Variants in CDH18 observed in about 807,000 individuals in gnomAD.
CDH18 encodes cadherin-18.
Under a neutral mutation model 67.9 loss-of-function variants are expected in CDH18, and 31 were observed. The observed-to-expected ratio is 0.46, with a 90% CI of 0.34 to 0.62. The LOEUF (loss-of-function observed/expected upper bound fraction) is 0.62, where lower values mean the gene tolerates loss of function less well. Ranked by LOEUF, CDH18 falls within the 20% of genes least tolerant of loss-of-function variation. The pLI, the probability that CDH18 is intolerant of heterozygous loss-of-function variation, is 0.01. For missense variants in CDH18, 890 were observed against 975.5 expected, an observed-to-expected ratio of 0.91 and a Z score of 1.17; for synonymous variants, 362 against 347.2, an observed-to-expected ratio of 1.04 and a Z score of -0.48.
chr5:19,580,963 A>G (rs1480587841), intron 7 of CDH18, among the ~76,000 whole-genome samples: 1 of 151,994 alleles, frequency 6.6e-6, no homozygotes, highest in African/African-American at 2.4e-5. Context: ...ATTTATTATT[A>G]AGTTAAAAAT....
chr5:20,550,694 G>A (rs1757583692), intron 1 of CDH18, among the ~76,000 whole-genome samples: 2 of 152,172 alleles, frequency 1.3e-5, no homozygotes, highest in African/African-American at 2.4e-5. Context: ...GAGCTCTTTA[G>A]CCACTTAGAG....
In CDH18 at chr5:19,473,003, G is replaced by C. The variant is rs951278051; in HGVS notation, c.*223C>G. On this transcript the variant is annotated 3_prime_UTR_variant, in exon 13 of 13. Coordinates refer to ENST00000382275, the MANE Select transcript of CDH18 (RefSeq NM_004934.5). ...ATTGAGCAATTGAAAATATACACAAGGAACAATAACTTTTTCTTTGTATTG... is the reference window on the plus strand; with the variant it reads ...ATTGAGCAATTGAAAATATACACAACGAACAATAACTTTTTCTTTGTATTG... 10 of 485,406 alleles carry C rather than the reference G, an allele frequency of 2.1e-5. No individual in the cohort carries two copies. The highest frequency in any genetic ancestry group is 1.4e-4 in the African/African-American group (7 of 51,396). The allele number at this position is 485,406 out of a possible 1,614,324, so 30.1% of individuals were successfully genotyped here. A position where few individuals can be genotyped will look rare whatever the true frequency, so the allele number is the denominator to read the frequency against.
chr5:20,398,651 A>C (rs1320940992), intron 1 of CDH18, among the ~76,000 whole-genome samples: 1 of 151,848 alleles, frequency 6.6e-6, no homozygotes, highest in African/African-American at 2.4e-5. Context: ...ACATATACCT[A>C]TGTAAAAAAC....
At chr5:20,495,056 A>G (rs1422826779) in intron 1 of CDH18, among the ~76,000 whole-genome samples, 3 of 152,216 alleles carry the variant, frequency 2.0e-5, no homozygotes, top group Non-Finnish European at 2.9e-5. Flanking sequence ...TGTAAATTGT[A>G]CAGGCAAAAA....
At chr5:19,694,611 C>G (rs1413193640) in intron 5 of CDH18, among the ~76,000 whole-genome samples, 2 of 151,722 alleles carry the variant, frequency 1.3e-5, no homozygotes, top group South Asian at 4.2e-4. Flanking sequence ...ACTATATTGT[C>G]CAATACACAG....
At chr5:20,220,863 T>G (rs1318966871) in intron 2 of CDH18, among the ~76,000 whole-genome samples, 2 of 152,112 alleles carry the variant, frequency 1.3e-5, no homozygotes, top group African/African-American at 4.8e-5. Flanking sequence ...AAAATGTATA[T>G]GAAATGTGCT....
chr5:19,714,517 T>A (rs2150546681), intron 5 of CDH18, among the ~76,000 whole-genome samples: 1 of 152,172 alleles, frequency 6.6e-6, no homozygotes, highest in South Asian at 2.1e-4. Flanking sequence ...TGAGATTTTT[T>A]TTTTTTTTTC....
intron 3 of CDH18, among the ~76,000 whole-genome samples, chr5:19,749,780 A>T (rs966593103): frequency 6.6e-6 from 1 of 151,158 alleles, no homozygotes; most frequent in Non-Finnish European, 1.5e-5. Flanking sequence ...CTTGAATCTG[A>T]CTCCACATGT....
At chr5:20,125,451 G>C (rs1309992382) in intron 2 of CDH18, among the ~76,000 whole-genome samples, 1 of 152,050 alleles carries the variant, frequency 6.6e-6, no homozygotes, top group Non-Finnish European at 1.5e-5. Context: ...CTTATATGTA[G>C]AATATATGCT....
At chr5:19,805,318 T>G (rs1294108743) in intron 3 of CDH18, among the ~76,000 whole-genome samples, 6 of 152,154 alleles carry the variant, frequency 3.9e-5, no homozygotes, top group Admixed American at 3.9e-4. Context: ...CCTTGAAACT[T>G]TCTCCTTTGT....
At chr5:19,858,619 G>C (rs2149966377) in intron 2 of CDH18, among the ~76,000 whole-genome samples, 1 of 152,256 alleles carries the variant, frequency 6.6e-6, no homozygotes, top group South Asian at 2.1e-4. Flanking sequence ...CTGTGAGAAA[G>C]TGAAGATAAA....
intron 3 of CDH18, among the ~76,000 whole-genome samples, chr5:19,772,204 A>G (rs1465569715): frequency 3.3e-5 from 5 of 152,214 alleles, no homozygotes; most frequent in Admixed American, 2.6e-4. Context: ...TTACAATATT[A>G]CCACCTCCTC....
chr5:20,498,345 G>A (rs1234048420), intron 1 of CDH18, among the ~76,000 whole-genome samples: 1 of 152,056 alleles, frequency 6.6e-6, no homozygotes, highest in Non-Finnish European at 1.5e-5. Context: ...TCAGCTGCAT[G>A]TAATGATAAT....
chr5:20,223,712 G>C (rs1029353988), intron 2 of CDH18, among the ~76,000 whole-genome samples: 4 of 152,048 alleles, frequency 2.6e-5, no homozygotes, highest in Admixed American at 6.6e-5. Flanking sequence ...TTGTGTTAGT[G>C]AATAAGTCTG....
rs556838991 is a variant in CDH18, at chr5:19,852,671, AG to A, written c.-256-13430del. On this transcript the variant is annotated intron_variant, in intron 2 of 12. Transcript: ENST00000382275. The stretch of plus-strand genomic sequence containing the variant: ...TCACTGTTTTGGTGATAAATTAGGG[AG>A]GCTGCAAATATTCCCTTTTTATTTT... Among the ~76,000 whole-genome samples the A allele has an allele frequency of 1.6e-3, 250 of 152,116 alleles. 3 individuals carry two copies. The highest frequency in any genetic ancestry group is 5.1e-3 in the African/African-American group (211 of 41,536).
At chr5:20,277,769 A>G (rs61272219) in intron 1 of CDH18, among the ~76,000 whole-genome samples, 1,599 of 152,234 alleles carry the variant, frequency 0.011, 31 homozygotes, top group African/African-American at 0.036. Flanking sequence ...ATTCAAGATA[A>G]CACAGAGAAA....
intron 2 of CDH18, among the ~76,000 whole-genome samples, chr5:20,168,808 C>T (rs577920053): frequency 6.6e-6 from 1 of 152,092 alleles, no homozygotes. Context: ...ACTCTTCAGC[C>T]ATATAAAAGA....
At chr5:20,172,188 G>GTATA (rs1736772324) in intron 2 of CDH18, among the ~76,000 whole-genome samples, 1 of 15,166 alleles carries the variant, frequency 6.6e-5, no homozygotes, top group Non-Finnish European at 1.2e-4. Flanking sequence ...ATAGCATTGT[G>GTATA]TGTATATATA....
At chr5:20,201,097 T>C (rs1466755305) in intron 2 of CDH18, among the ~76,000 whole-genome samples, 1 of 152,022 alleles carries the variant, frequency 6.6e-6, no homozygotes, top group Non-Finnish European at 1.5e-5. Flanking sequence ...AGTAGAGCAA[T>C]ACTCTTTCTA....
Sources: gnomAD v4.1 joint callset for allele counts (sites outside exome capture counted in the v4.1 genomes callset) on GRCh38, gnomAD v4.1.1 for gene constraint, MANE v1.5 for transcripts, NCBI Gene and HGNC (gene_info 2026-07-23, HGNC 2026-07-21) for gene names.